YIPF1: variants seen among roughly 807,000 people sequenced by gnomAD.
The protein encoded by YIPF1 is protein YIPF1.
YIPF1 carries 22 observed loss-of-function variants against 37.0 expected under a neutral mutation model. That is an observed-to-expected ratio of 0.59 (90% CI 0.42 to 0.85). The LOEUF is 0.85. Among genes scored for constraint, YIPF1 ranks in the 40% least tolerant of loss-of-function variants. YIPF1 has a pLI of 0.00. For synonymous variants in YIPF1, 128 were observed against 131.9 expected (o/e 0.97, Z 0.21); for missense variants, 355 against 373.1 (o/e 0.95, Z 0.40).
At chr1:53,867,038 C>T (rs1357970086) in intron 7 of YIPF1, 114 bp from the exon 8 acceptor site, 3 of 1,263,852 alleles carry the variant, frequency 2.4e-6, no homozygotes, top group Non-Finnish European at 2.2e-6. Context: ...CTTCAGTGGA[C>T]CACGGAATCA....
intron 7 of YIPF1, among the ~76,000 whole-genome samples, chr1:53,868,861 CCTT>C (rs1468678427): frequency 9.2e-5 from 14 of 152,198 alleles, no homozygotes; most frequent in East Asian, 1.9e-4. Context: ...GTGGTTCACT[CCTT>C]CTTCTATGTC....
chr1:53,867,041 CG>C (rs1429486223), intron 7 of YIPF1, 117 bp from the exon 8 acceptor site: 4 of 1,223,428 alleles, frequency 3.3e-6, no homozygotes, highest in Non-Finnish European at 4.5e-6. Context: ...CAGTGGACCA[CG>C]GAATCATGTC....
intron 4 of YIPF1, among the ~76,000 whole-genome samples, chr1:53,881,223 C>T (rs1400083620): frequency 1.9e-5 from 2 of 105,952 alleles, no homozygotes; most frequent in Admixed American, 2.3e-4. Context: ...CCAGCCTAGG[C>T]GACAAAGCAA....
Position 53,871,476 on chromosome 1 carries a change from A to G in YIPF1, c.377T>C (p.Ile126Thr). The change falls in exon 7 of 11, where the codon ATA becomes ACA. Residue 126 changes from isoleucine (I) to threonine (T), a missense_variant. By Grantham distance (89) the Ile-to-Thr change is moderately conservative. Transcript: ENST00000072644. ...SNPDLYGPFWICATLVFAIAI... is the reference protein window; with the variant it reads ...SNPDLYGPFWTCATLVFAIAI... ...TATGGCAAAGACCAACGTGGCACAT[A>G]TCCAAAAGGGGCCTGCAAAGGAAAC... 6.2e-7 allele frequency: 1 copy of G among 1,613,700 alleles called. No homozygotes were observed. The highest frequency in any genetic ancestry group is 8.5e-7 in the Non-Finnish European group (1 of 1,179,810).
chr1:53,859,133 G>A (rs1410097405), intron 10 of YIPF1, among the ~76,000 whole-genome samples: 1 of 152,132 alleles, frequency 6.6e-6, no homozygotes, highest in Non-Finnish European at 1.5e-5. Context: ...AGTGCCCTAT[G>A]TATACTAGGT....
intron 7 of YIPF1, among the ~76,000 whole-genome samples, chr1:53,871,042 A>G (rs535295494): frequency 3.9e-4 from 59 of 151,702 alleles, no homozygotes; most frequent in African/African-American, 1.4e-3. Context: ...AAAAAGGAAT[A>G]AACTGCAGTT....
chr1:53,855,512 T>A (rs1355463082), intron 10 of YIPF1, among the ~76,000 whole-genome samples: 1 of 152,206 alleles, frequency 6.6e-6, no homozygotes, highest in Non-Finnish European at 1.5e-5. Context: ...AGTCCCACAC[T>A]GCATAATGAT....
At chr1:53,855,186 TC>T (rs1649688699) in intron 10 of YIPF1, 1 of 151,488 alleles carries the variant, frequency 6.6e-6, no homozygotes, top group Non-Finnish European at 1.5e-5. Context: ...CAAAGGACTC[TC>T]CAGAAGCCCT....
chr1:53,878,401 A>G lies in YIPF1; in HGVS notation c.278T>C (p.Val93Ala), dbSNP rs748813317. The change falls in exon 6 of 11, where the codon GTC becomes GCC. Residue 93 changes from valine (V) to alanine (A), a missense_variant and splice_region_variant. Physicochemically the swap from Val to Ala is moderately conservative, Grantham distance 64 (BLOSUM62 0). Transcript: ENST00000072644. ...AAGAGATCCTTTAATTCTGTCAAAG[A>G]CCTGGAAAACATCATAGCAGTAATT... ...QTFFDVDTYQ[V>A]FDRIKGSLLP... The G allele has an allele frequency of 2.5e-6, 4 of 1,613,918 alleles. No homozygotes were observed. In the East Asian group the frequency reaches 6.7e-5, roughly 27 times the overall value.
At chr1:53,854,417 C>T (rs1190162896) in intron 10 of YIPF1, among the ~76,000 whole-genome samples, 1 of 152,196 alleles carries the variant, frequency 6.6e-6, no homozygotes. Flanking sequence ...GCCAGCACTT[C>T]CTTACCTCTT....
At chr1:53,861,619 G>C (rs951068936) in intron 9 of YIPF1, among the ~76,000 whole-genome samples, 1 of 144,040 alleles carries the variant, frequency 6.9e-6, no homozygotes, top group African/African-American at 2.6e-5. Context: ...AGAGTGAGAA[G>C]GAGAGAGAGA....
In YIPF1 at chr1:53,851,911, G is replaced by C. The variant is rs548775674; in HGVS notation, c.*368C>G. On this transcript the variant is annotated 3_prime_UTR_variant, in exon 11 of 11. Coordinates refer to ENST00000072644, the MANE Select transcript of YIPF1 (RefSeq NM_018982.5). ...AGGTAGTCTGTACATAATTCAGAGA[G>C]AGGACATCAGAATTTTCCATGGTTC... The C allele has an allele frequency of 6.6e-6, 1 of 152,218 alleles. No homozygotes were observed. The highest frequency in any genetic ancestry group is 1.5e-5 in the Non-Finnish European group (1 of 68,056). 9.4% of individuals were successfully genotyped at this position (152,218 alleles called of 1,614,324 possible).
intron 10 of YIPF1, among the ~76,000 whole-genome samples, chr1:53,859,653 G>A (rs1488315109): frequency 3.3e-5 from 5 of 151,776 alleles, no homozygotes; most frequent in Admixed American, 2.0e-4. Flanking sequence ...CAACAAGAGC[G>A]AAACTCTGTC....
At chr1:53,856,900 C>T (rs1024666675) in intron 10 of YIPF1, among the ~76,000 whole-genome samples, 1 of 152,176 alleles carries the variant, frequency 6.6e-6, no homozygotes, top group African/African-American at 2.4e-5. Context: ...GTAGGCAAGA[C>T]CTGTGACTTG....
chr1:53,856,957 G>A (rs943381425), intron 10 of YIPF1, among the ~76,000 whole-genome samples: 4 of 152,088 alleles, frequency 2.6e-5, no homozygotes, highest in African/African-American at 9.7e-5. Context: ...TCTCTCCTAT[G>A]TTTACATTAT....
chr1:53,852,066 A>G lies in YIPF1; in HGVS notation c.*213T>C, dbSNP rs1423746584. The G allele has an allele frequency of 1.3e-5, 2 of 152,198 alleles. No individual in the cohort carries two copies. Among genetic ancestry groups the G allele is most frequent in the Non-Finnish European group, 2.9e-5 (2 of 68,038 alleles). The allele number at this position is 152,198 out of a possible 1,614,324, so 9.4% of individuals were successfully genotyped here. A position where few individuals can be genotyped will look rare whatever the true frequency, so the allele number is the denominator to read the frequency against. ...CAGCGCATGCTCGCAATGATCATCCATGGGTGAAAAGGAAGAGCTGAAAGA... is the reference window on the plus strand; with the variant it reads ...CAGCGCATGCTCGCAATGATCATCCGTGGGTGAAAAGGAAGAGCTGAAAGA... On this transcript the variant is annotated 3_prime_UTR_variant, in exon 11 of 11. Coordinates refer to ENST00000072644, the MANE Select transcript of YIPF1 (RefSeq NM_018982.5).
At chr1:53,866,143 G>C in intron 9 of YIPF1, 57 bp downstream of exon 9, 5 of 1,571,932 alleles carry the variant, frequency 3.2e-6, no homozygotes, top group Non-Finnish European at 4.3e-6. Flanking sequence ...AACAGTTTGA[G>C]GTCTTTTAGC....
In YIPF1 at chr1:53,888,917, C is replaced by T. The variant is rs748265486; in HGVS notation, c.21G>A (p.Leu7=). Reference sequence around the variant, plus strand: ...ACCCAACTGGTATACCTTCAAATTGCAAGTCATCTACTGCTGCCATTCGGC... The same window carrying T: ...ACCCAACTGGTATACCTTCAAATTGTAAGTCATCTACTGCTGCCATTCGGC... MAAVDD[L]QFEEFGNAAT... Residue 7 remains leucine, a synonymous_variant, in exon 3 of 11, where the codon TTG becomes TTA. Coordinates refer to ENST00000072644, the MANE Select transcript of YIPF1 (RefSeq NM_018982.5). 7.5e-6 allele frequency: 12 copies of T among 1,592,100 alleles called. No homozygotes were observed. The highest frequency in any genetic ancestry group is 1.3e-5 in the African/African-American group (1 of 74,724).
At chr1:53,856,737 A>G (rs919373116) in intron 10 of YIPF1, among the ~76,000 whole-genome samples, 2 of 152,190 alleles carry the variant, frequency 1.3e-5, no homozygotes, top group African/African-American at 4.8e-5. Flanking sequence ...AAGCTTTAAT[A>G]GTTCCTATAT....
Sources: gnomAD v4.1 joint callset for allele counts (sites outside exome capture counted in the v4.1 genomes callset) on GRCh38, gnomAD v4.1.1 for gene constraint, MANE v1.5 for transcripts, NCBI Gene and HGNC (gene_info 2026-07-23, HGNC 2026-07-21) for gene names.